Variants in TOP6BL observed in about 807,000 individuals in gnomAD.
The protein encoded by TOP6BL is type 2 DNA topoisomerase 6 subunit B-like.
the TOP6BL span, among the ~76,000 whole-genome samples, chr11:66,769,063 T>G: frequency 6.6e-6 from 1 of 152,192 alleles, no homozygotes; most frequent in Non-Finnish European, 1.5e-5. Flanking sequence ...TTACCACACA[T>G]CTTTCATCTT....
the TOP6BL span, among the ~76,000 whole-genome samples, chr11:66,817,314 A>G: frequency 9.9e-5 from 15 of 152,136 alleles, no homozygotes; most frequent in Non-Finnish European, 1.8e-4. Context: ...TTTGGTGTTT[A>G]TCTATTAGAT....
the TOP6BL span, chr11:66,745,006 C>T: frequency 8.3e-7 from 1 of 1,202,106 alleles, no homozygotes. Context: ...GCAGAGGGGT[C>T]GGGCGTCGCC....
At chr11:66,843,473 G>A in the TOP6BL span, 7 of 1,441,156 alleles carry the variant, frequency 4.9e-6, no homozygotes, top group Non-Finnish European at 4.5e-6. Context: ...CGCTGGGCGG[G>A]GATGGGCTGC....
At chr11:66,824,420 T>TTTATTA in the TOP6BL span, among the ~76,000 whole-genome samples, 1,485 of 140,732 alleles carry the variant, frequency 0.011, 13 homozygotes, top group Non-Finnish European at 0.011. Context: ...TAATTTTGTA[T>TTTATTA]TTATTATTAT....
chr11:66,760,504 C>T, the TOP6BL span, among the ~76,000 whole-genome samples: 3 of 149,916 alleles, frequency 2.0e-5, no homozygotes, highest in African/African-American at 7.4e-5. Context: ...ACTGGCCAGG[C>T]ACAGTGGCTC....
the TOP6BL span, chr11:66,788,279 G>A: frequency 6.4e-7 from 1 of 1,555,346 alleles, no homozygotes; most frequent in South Asian, 1.1e-5. Flanking sequence ...GGCAGGTTTT[G>A]TTGTGGTCTT....
At chr11:66,758,604 G>A in the TOP6BL span, among the ~76,000 whole-genome samples, 21 of 152,164 alleles carry the variant, frequency 1.4e-4, no homozygotes, top group East Asian at 2.7e-3. Flanking sequence ...GTGAGCCACC[G>A]CACCCGGCCG....
the TOP6BL span, among the ~76,000 whole-genome samples, chr11:66,834,463 G>T: frequency 2.0e-5 from 3 of 152,158 alleles, no homozygotes; most frequent in African/African-American, 7.2e-5. Context: ...AGAACTACAA[G>T]ACTAAGGATG....
At chr11:66,823,138 T>C in the TOP6BL span, among the ~76,000 whole-genome samples, 1 of 151,872 alleles carries the variant, frequency 6.6e-6, no homozygotes, top group Middle Eastern at 3.4e-3. Flanking sequence ...CTACTAAAAA[T>C]ACAAAATTAG....
the TOP6BL span, among the ~76,000 whole-genome samples, chr11:66,819,638 A>T: frequency 6.6e-6 from 1 of 152,018 alleles, no homozygotes; most frequent in South Asian, 2.1e-4. Context: ...ATGGTCCCTC[A>T]CACCTGTAAT....
chr11:66,806,505 T>G, the TOP6BL span, among the ~76,000 whole-genome samples: 22 of 152,328 alleles, frequency 1.4e-4, no homozygotes, highest in African/African-American at 5.3e-4. Flanking sequence ...CGGTGGCTCA[T>G]GCCTGTAATC....
chr11:66,779,527 G>T, the TOP6BL span, among the ~76,000 whole-genome samples: 4 of 152,324 alleles, frequency 2.6e-5, no homozygotes, highest in Admixed American at 2.0e-4. Context: ...TGCTGGAGAG[G>T]ATGTGGAGAA....
chr11:66,788,533 C>A, the TOP6BL span, among the ~76,000 whole-genome samples: 3 of 152,244 alleles, frequency 2.0e-5, no homozygotes, highest in Non-Finnish European at 4.4e-5. Flanking sequence ...TAACAAAATA[C>A]CACAGACTAG....
At chr11:66,789,285 C>T in the TOP6BL span, among the ~76,000 whole-genome samples, 3 of 152,126 alleles carry the variant, frequency 2.0e-5, no homozygotes, top group East Asian at 3.8e-4. Flanking sequence ...ATCTCTTTAT[C>T]GACTTATTTG....
At chr11:66,839,361 T>C in the TOP6BL span, among the ~76,000 whole-genome samples, 4 of 152,242 alleles carry the variant, frequency 2.6e-5, no homozygotes, top group Non-Finnish European at 4.4e-5. Flanking sequence ...AGCCAGTAAA[T>C]GACAGAGCAA....
At chr11:66,835,043 A>G in the TOP6BL span, among the ~76,000 whole-genome samples, 1 of 151,922 alleles carries the variant, frequency 6.6e-6, no homozygotes, top group African/African-American at 2.4e-5. Flanking sequence ...GGGAGGGGGT[A>G]GACTAGAAAT....
At chr11:66,762,145 A>C in the TOP6BL span, 1 of 858,012 alleles carries the variant, frequency 1.2e-6, no homozygotes, top group African/African-American at 1.7e-5. Context: ...TTTCCTCCTG[A>C]ATTTCATCAC....
the TOP6BL span, among the ~76,000 whole-genome samples, chr11:66,837,329 G>A: frequency 6.6e-6 from 1 of 151,396 alleles, no homozygotes; most frequent in African/African-American, 2.4e-5. Context: ...GGGTTTCACT[G>A]TGTTAGCCAG....
the TOP6BL span, among the ~76,000 whole-genome samples, chr11:66,767,269 T>C: frequency 6.6e-6 from 1 of 152,200 alleles, no homozygotes; most frequent in Admixed American, 6.5e-5. Flanking sequence ...TCTACTTAGG[T>C]ATAATTCCAT....
Sources: allele counts gnomAD v4.1 joint callset (sites outside exome capture counted in the v4.1 genomes callset), GRCh38; gene constraint gnomAD v4.1.1; transcripts MANE v1.5; gene names NCBI Gene and HGNC (gene_info 2026-07-23, HGNC 2026-07-21).